The following BLK variants were observed in gnomAD, a reference collection of about 807,000 sequenced individuals.
The protein encoded by BLK is BLK proto-oncogene, Src family tyrosine kinase, also known as tyrosine-protein kinase Blk.
BLK carries 64 observed loss-of-function variants against 61.8 expected under a neutral mutation model. The ratio of observed to expected loss-of-function variants is 1.03; its 90% confidence interval spans 0.85 to 1.27. The LOEUF (loss-of-function observed/expected upper bound fraction) is 1.27. Ranked by LOEUF, BLK falls within the 50% of genes most tolerant of loss-of-function variation. The pLI is 0.00. For synonymous variants in BLK, 351 were observed against 272.0 expected, an observed-to-expected ratio of 1.29 and a Z score of -2.86; for missense variants, 853 against 660.5, an observed-to-expected ratio of 1.29 and a Z score of -3.19.
At chr8:11,555,788 G>A (rs1476882668) in intron 8 of BLK, 103 of 456,214 alleles carry the variant, frequency 2.3e-4, no homozygotes, top group Non-Finnish European at 1.8e-4. Context: ...GCAGCGGCGC[G>A]TTAACTCCCC....
rs1801606814 is a variant in BLK, at chr8:11,563,925, C to T, written c.1335C>T (p.Ile445=). 6.2e-7 allele frequency: 1 copy of T among 1,608,938 alleles called. No individual in the cohort carries two copies. Among genetic ancestry groups the T allele is most frequent in the African/African-American group, 1.3e-5 (1 of 75,028 alleles). ...CAGGGATGAGCAACCCCGAGGTCAT[C>T]CGCAACCTGGAGCGCGGCTACCGCA... ...PYPGMSNPEV[I]RNLERGYRMP... Residue 445 remains isoleucine (I), a synonymous_variant, in exon 13 of 13, where the codon ATC becomes ATT. Transcript: ENST00000259089.
intron 1 of BLK, among the ~76,000 whole-genome samples, chr8:11,516,654 G>C (rs1378564420): frequency 6.6e-6 from 1 of 152,144 alleles, no homozygotes; most frequent in Non-Finnish European, 1.5e-5. Flanking sequence ...GGCTACTTTA[G>C]GGACTTCATT....
intron 1 of BLK, among the ~76,000 whole-genome samples, chr8:11,505,757 T>G (rs2280804): frequency 2.0e-5 from 3 of 152,044 alleles, no homozygotes; most frequent in African/African-American, 7.3e-5. Flanking sequence ...AAGTCTCCCA[T>G]TGAGGCCTCC....
intron 1 of BLK, among the ~76,000 whole-genome samples, chr8:11,519,664 C>T (rs544809077): frequency 3.9e-5 from 6 of 152,124 alleles, no homozygotes; most frequent in Non-Finnish European, 7.3e-5. Flanking sequence ...TCTGAACAAC[C>T]GTGTGAGGTA....
At chr8:11,505,697 C>T (rs75237278) in intron 1 of BLK, among the ~76,000 whole-genome samples, 4,511 of 152,278 alleles carry the variant, frequency 0.03, 101 homozygotes, top group Non-Finnish European at 0.043. Context: ...GCCCTATCAC[C>T]GCACAGGGTA....
chr8:11,563,033 T>A lies in BLK; in HGVS notation c.1235T>A (p.Phe412Tyr). 1 of 1,614,164 alleles carries A rather than the reference T, an allele frequency of 6.2e-7. No individual in the cohort carries two copies. Among genetic ancestry groups the A allele is most frequent in the Non-Finnish European group, 8.5e-7 (1 of 1,180,028 alleles). The change falls in exon 12 of 13, where the codon TTC becomes TAC. Residue 412 changes from phenylalanine to tyrosine, a missense_variant. Coordinates refer to ENST00000259089, the MANE Select transcript of BLK (RefSeq NM_001715.3). ...TAPEAIHFGV[F>Y]TIKADVWSFG... Reference sequence around the variant, plus strand: ...CCGGAAGCCATCCACTTCGGGGTCTTCACCATCAAAGCAGACGTGTGGTCG... The same window carrying A: ...CCGGAAGCCATCCACTTCGGGGTCTACACCATCAAAGCAGACGTGTGGTCG...
chr8:11,500,356 G>C (rs564352248), intron 1 of BLK, among the ~76,000 whole-genome samples: 73 of 151,894 alleles, frequency 4.8e-4, no homozygotes, highest in African/African-American at 1.7e-3. Flanking sequence ...ACCACGCCCT[G>C]CTAATTTTTG....
intron 10 of BLK, among the ~76,000 whole-genome samples, chr8:11,559,350 AAC>A (rs1428138641): frequency 3.3e-5 from 5 of 151,108 alleles, no homozygotes; most frequent in South Asian, 2.1e-4. Flanking sequence ...GACAAACACA[AAC>A]ACATACACAG....
At chr8:11,504,221 C>T (rs1257103497) in intron 1 of BLK, among the ~76,000 whole-genome samples, 1 of 152,052 alleles carries the variant, frequency 6.6e-6, no homozygotes, top group South Asian at 2.1e-4. Context: ...ACTCAGGAGG[C>T]TGAGGTAGGA....
chr8:11,520,020 T>C (rs920264002), intron 1 of BLK, among the ~76,000 whole-genome samples: 1 of 152,190 alleles, frequency 6.6e-6, no homozygotes. Context: ...ATGTAAAGTT[T>C]TGAATTTTAT....
At chr8:11,511,763 T>C (rs1799016304) in intron 1 of BLK, among the ~76,000 whole-genome samples, 1 of 152,320 alleles carries the variant, frequency 6.6e-6, no homozygotes, top group Admixed American at 6.5e-5. Context: ...GTCTTAGATG[T>C]AGTGCAACAT....
At chr8:11,508,157 C>T (rs1193434034) in intron 1 of BLK, among the ~76,000 whole-genome samples, 1 of 152,230 alleles carries the variant, frequency 6.6e-6, no homozygotes, top group Admixed American at 6.5e-5. Flanking sequence ...GACCCCAAAG[C>T]CAGTGCTCTG....
Position 11,561,368 on chromosome 8 carries a change from A to T in BLK, c.1096A>T (p.Ile366Phe). Reference protein sequence around the residue: ...SIHRDLRAANILVSEALCCKI... With the variant: ...SIHRDLRAANFLVSEALCCKI... ...CCACCGCGACCTGCGGGCGGCCAAC[A>T]TCCTGGTGTCTGAGGCCTTGTGCTG... The change falls in exon 11 of 13, where the codon ATC becomes TTC. Residue 366 changes from isoleucine (I) to phenylalanine (F), a missense_variant. Physicochemically the swap from Ile to Phe is conservative, Grantham distance 21 (BLOSUM62 0). Coordinates refer to ENST00000259089, the MANE Select transcript of BLK (RefSeq NM_001715.3). The T allele has an allele frequency of 6.2e-7, 1 of 1,614,134 alleles. No individual in the cohort carries two copies. Among genetic ancestry groups the T allele is most frequent in the Non-Finnish European group, 8.5e-7 (1 of 1,180,014 alleles).
intron 1 of BLK, among the ~76,000 whole-genome samples, chr8:11,524,275 A>G (rs900305145): frequency 1.2e-4 from 18 of 152,238 alleles, no homozygotes; most frequent in African/African-American, 4.1e-4. Flanking sequence ...TCAAGACTAT[A>G]TGTATATGTA....
intron 2 of BLK, among the ~76,000 whole-genome samples, chr8:11,544,626 T>TC (rs1743278233): frequency 6.6e-6 from 1 of 152,316 alleles, no homozygotes; most frequent in Admixed American, 6.5e-5. Context: ...GGAATTTTTT[T>TC]CACTTAAAAG....
chr8:11,555,186 T>TGTGTGCATGTGCAGGC, intron 7 of BLK, 146 bp from the exon 8 acceptor site: 1 of 1,116,432 alleles, frequency 9.0e-7, no homozygotes, highest in Non-Finnish European at 1.3e-6. Context: ...GAGTTGAGTG[T>TGTGTGCATGTGCAGGC]GTGTGCATGT....
At position 11,564,263 on chromosome 8, in the gene BLK, G is replaced by A. The variant is rs1801626293; in HGVS notation, c.*155G>A. ...GAGGCAGCTTCGCAGGGGGTCCCCG[G>A]ACGGACTCCTTCACCGACTGCACCC... is the stretch of plus-strand genomic sequence containing the variant. On this transcript the variant is annotated 3_prime_UTR_variant, in exon 13 of 13. Coordinates refer to ENST00000259089, the MANE Select transcript of BLK (RefSeq NM_001715.3). 5.5e-6 allele frequency: 5 copies of A among 912,218 alleles called. No individual in the cohort carries two copies. The highest frequency in any genetic ancestry group is 8.6e-6 in the Non-Finnish European group (5 of 581,014). 56.5% of individuals were successfully genotyped at this position (912,218 alleles called of 1,614,324 possible).
chr8:11,534,055 T>C (rs1800010626), intron 1 of BLK, among the ~76,000 whole-genome samples: 1 of 152,156 alleles, frequency 6.6e-6, no homozygotes, highest in African/African-American at 2.4e-5. Context: ...TGCATCAGCA[T>C]CACTGGGGGC....
intron 10 of BLK, 88 bp downstream of exon 10, chr8:11,558,126 C>A: frequency 1.5e-6 from 2 of 1,347,998 alleles, no homozygotes; most frequent in Non-Finnish European, 2.1e-6. Flanking sequence ...CCCATCCTCT[C>A]AGCCAGCAGG....
Sources: gnomAD v4.1 joint callset for allele counts (sites outside exome capture counted in the v4.1 genomes callset) on GRCh38, gnomAD v4.1.1 for gene constraint, MANE v1.5 for transcripts, NCBI Gene and HGNC (gene_info 2026-07-23, HGNC 2026-07-21) for gene names.